The following TANC2 variants were observed in gnomAD, a reference collection of about 807,000 sequenced individuals.
TANC2 encodes the protein protein TANC2.
A neutral mutation model predicts 210.5 loss-of-function variants in TANC2; 26 were observed. That is an observed-to-expected ratio of 0.12 (90% CI 0.09 to 0.17). The LOEUF is 0.17. Ranked by LOEUF, TANC2 falls within the 10% of genes least tolerant of loss-of-function variation. TANC2 has a pLI of 1.00. For missense variants in TANC2, 2,129 were observed against 2,608.9 expected, an observed-to-expected ratio of 0.82 and a Z score of 4.01; for synonymous variants, 931 against 967.1, an observed-to-expected ratio of 0.96 and a Z score of 0.69.
chr17:63,302,599 CTTTTTTTTTTTTTTT>C (rs568226580), intron 9 of TANC2, among the ~76,000 whole-genome samples: 414 of 22,792 alleles, frequency 0.018, 13 homozygotes, highest in African/African-American at 0.061. Context: ...GCAACCCCTG[CTTTTTTTTTTTTTTT>C]TTTTTTTTTT....
intron 21 of TANC2, among the ~76,000 whole-genome samples, chr17:63,408,020 TA>T (rs2147306025): frequency 6.6e-6 from 1 of 152,310 alleles, no homozygotes; most frequent in South Asian, 2.1e-4. Context: ...GGGGAGGCTT[TA>T]AAAATTTTAA....
chr17:62,971,563 C>CA (rs1328367052), intron 1 of TANC2, among the ~76,000 whole-genome samples: 2 of 152,206 alleles, frequency 1.3e-5, no homozygotes, highest in Non-Finnish European at 2.9e-5. Context: ...CTCCTGGACT[C>CA]AAGTGATCCA....
intron 1 of TANC2, among the ~76,000 whole-genome samples, chr17:62,979,013 A>G (rs1189461586): frequency 1.3e-5 from 2 of 152,200 alleles, no homozygotes; most frequent in African/African-American, 4.8e-5. Context: ...TTTTATCTTG[A>G]TTAGTGAAAG....
At chr17:63,191,673 G>C (rs537562816) in intron 5 of TANC2, among the ~76,000 whole-genome samples, 91 of 152,164 alleles carry the variant, frequency 6.0e-4, no homozygotes, top group Non-Finnish European at 1.0e-3. Flanking sequence ...ACGTTGCCCA[G>C]GCTGGTCTTG....
chr17:63,222,075 G>A (rs12601995), intron 7 of TANC2, among the ~76,000 whole-genome samples: 21,493 of 152,186 alleles, frequency 0.14, 1,958 homozygotes, highest in Middle Eastern at 0.21. Flanking sequence ...TGAAGAATGG[G>A]AAGTCCTGGA....
chr17:63,405,037 GA>G, intron 19 of TANC2, 84 bp from the exon 20 acceptor site: 2 of 1,356,482 alleles, frequency 1.5e-6, no homozygotes, highest in Non-Finnish European at 1.9e-6. Flanking sequence ...TTACATTAAT[GA>G]AACACAAGGA....
At chr17:63,290,867 A>G (rs190365851) in intron 9 of TANC2, among the ~76,000 whole-genome samples, 132 of 152,324 alleles carry the variant, frequency 8.7e-4, no homozygotes, top group African/African-American at 3.0e-3. Flanking sequence ...GCTACAATGC[A>G]TATTGTACTT....
chr17:63,336,607 T>TAA (rs2046038217), intron 11 of TANC2, among the ~76,000 whole-genome samples: 1 of 152,226 alleles, frequency 6.6e-6, no homozygotes. Flanking sequence ...CTTTTCTTTC[T>TAA]TCCCTCACAA....
At chr17:63,122,893 CTT>C (rs373083959) in intron 4 of TANC2, among the ~76,000 whole-genome samples, 12 of 152,146 alleles carry the variant, frequency 7.9e-5, no homozygotes, top group African/African-American at 2.9e-4. Context: ...GGTAAAGTGA[CTT>C]AAGTAAAATC....
intron 11 of TANC2, among the ~76,000 whole-genome samples, chr17:63,335,561 C>T (rs1195463678): frequency 6.6e-5 from 10 of 150,390 alleles, no homozygotes; most frequent in African/African-American, 1.7e-4. Context: ...TGCAGTGAGC[C>T]GAGATCGCAC....
intron 2 of TANC2, among the ~76,000 whole-genome samples, chr17:63,015,024 T>C (rs1427683872): frequency 1.3e-5 from 2 of 152,078 alleles, no homozygotes; most frequent in Non-Finnish European, 2.9e-5. Flanking sequence ...TTTTTATTAT[T>C]ACAGTTTTTT....
rs185583605 is a variant in TANC2 at position 63,157,671 on chromosome 17, A to G, written c.433+6291A>G. Among the ~76,000 whole-genome samples the G allele has an allele frequency of 2.6e-5, 4 of 152,316 alleles. No homozygotes were observed. The East Asian group carries it at 7.7e-4, about 29-fold the overall frequency. On this transcript the variant is annotated intron_variant, in intron 5 of 27. Transcript: ENST00000689528. ...TACCTATATCACAGGAAGGTTGTAA[A>G]GATACGACATATTAAAATATGTAAA...
chr17:63,129,071 G>A (rs981286034), intron 4 of TANC2, among the ~76,000 whole-genome samples: 3 of 152,038 alleles, frequency 2.0e-5, no homozygotes, highest in Admixed American at 6.6e-5. Context: ...AGGCTGGATG[G>A]CTCACACTGC....
intron 1 of TANC2, among the ~76,000 whole-genome samples, chr17:62,985,271 A>G (rs1012617334): frequency 1.3e-5 from 2 of 151,882 alleles, no homozygotes; most frequent in African/African-American, 4.8e-5. Flanking sequence ...GGATTCCCTT[A>G]TATGTGACTT....
At chr17:63,111,306 A>T (rs915069315) in intron 4 of TANC2, among the ~76,000 whole-genome samples, 1 of 152,190 alleles carries the variant, frequency 6.6e-6, no homozygotes, top group Admixed American at 6.5e-5. Flanking sequence ...CTCCCTGCCA[A>T]AAAAGTAATT....
intron 2 of TANC2, among the ~76,000 whole-genome samples, chr17:63,024,443 C>T (rs566134632): frequency 6.6e-6 from 1 of 152,176 alleles, no homozygotes; most frequent in African/African-American, 2.4e-5. Context: ...GCCCAGAGGT[C>T]ACTCTCATTG....
chr17:63,411,473 A>G, intron 21 of TANC2, 38 bp from the exon 22 acceptor site: 5 of 1,565,756 alleles, frequency 3.2e-6, no homozygotes, highest in South Asian at 1.2e-5. Flanking sequence ...GTGTGATTCC[A>G]TGTCTCCTCA....
intron 8 of TANC2, among the ~76,000 whole-genome samples, chr17:63,262,629 C>CTTTTTTTTTT (rs11395061): frequency 4.1e-5 from 6 of 145,370 alleles, no homozygotes; most frequent in Non-Finnish European, 9.1e-5. Flanking sequence ...TAGTAGTCCT[C>CTTTTTTTTTT]TTTTTTTTTT....
chr17:63,181,524 A>G (rs551437931), intron 5 of TANC2, among the ~76,000 whole-genome samples: 7 of 152,356 alleles, frequency 4.6e-5, no homozygotes, highest in Admixed American at 4.6e-4. Flanking sequence ...CAGCAGGGAG[A>G]AAGGTAGTCC....
Sources: allele counts gnomAD v4.1 joint callset (sites outside exome capture counted in the v4.1 genomes callset), GRCh38; gene constraint gnomAD v4.1.1; transcripts MANE v1.5; gene names NCBI Gene and HGNC (gene_info 2026-07-23, HGNC 2026-07-21).